Variants in NRCAM observed in about 807,000 individuals in gnomAD.
The protein encoded by NRCAM is neuronal cell adhesion molecule.
In NRCAM, 83 loss-of-function variants were observed where a neutral mutation model predicts 156.5. The ratio of observed to expected loss-of-function variants is 0.53; its 90% CI spans 0.44 to 0.64. The LOEUF is 0.64. Among genes scored for constraint, NRCAM ranks in the 30% least tolerant of loss-of-function variants. The pLI is 0.00. For synonymous variants in NRCAM, 538 were observed against 563.9 expected (o/e 0.95, Z 0.65); for missense variants, 1,417 against 1,597.3 (o/e 0.89, Z 1.92).
chr7:108,260,903 CAT>C (rs1456402852), intron 3 of NRCAM, among the ~76,000 whole-genome samples: 1 of 152,114 alleles, frequency 6.6e-6, no homozygotes, highest in Non-Finnish European at 1.5e-5. Flanking sequence ...GGGGTGTTCT[CAT>C]ATTCAATTCC....
chr7:108,416,724 G>T (rs1446509702), intron 1 of NRCAM, among the ~76,000 whole-genome samples: 1 of 152,190 alleles, frequency 6.6e-6, no homozygotes, highest in Admixed American at 6.5e-5. Context: ...AAGGCAGAAT[G>T]AAACCAGTAA....
intron 3 of NRCAM, among the ~76,000 whole-genome samples, chr7:108,310,962 G>T (rs536212222): frequency 1.3e-5 from 2 of 152,058 alleles, no homozygotes; most frequent in African/African-American, 4.8e-5. Flanking sequence ...CCCTTCACAC[G>T]ATGGAAGAAA....
chr7:108,391,384 C>G (rs996449440), intron 2 of NRCAM, among the ~76,000 whole-genome samples: 1 of 151,914 alleles, frequency 6.6e-6, no homozygotes, highest in East Asian at 1.9e-4. Context: ...TATCAGAGAC[C>G]AGGATTGCAA....
chr7:108,287,736 A>G (rs909710927), intron 3 of NRCAM, among the ~76,000 whole-genome samples: 10 of 131,336 alleles, frequency 7.6e-5, no homozygotes, highest in Non-Finnish European at 1.3e-4. Context: ...AGGATGTGGG[A>G]AAAAAAAAAG....
chr7:108,353,015 T>A (rs1221269273), intron 2 of NRCAM, among the ~76,000 whole-genome samples: 1 of 151,638 alleles, frequency 6.6e-6, no homozygotes, highest in African/African-American at 2.4e-5. Context: ...CCCACACATG[T>A]ATTTTTTTAA....
chr7:108,362,187 C>A (rs1595116609), intron 2 of NRCAM, among the ~76,000 whole-genome samples: 1 of 152,162 alleles, frequency 6.6e-6, no homozygotes, highest in Admixed American at 6.6e-5. Flanking sequence ...CAAAGCCTGG[C>A]AGATCTGGTG....
At chr7:108,356,192 C>T (rs1023210796) in intron 2 of NRCAM, among the ~76,000 whole-genome samples, 1 of 152,204 alleles carries the variant, frequency 6.6e-6, no homozygotes, top group Non-Finnish European at 1.5e-5. Context: ...CGTGATCTGC[C>T]TGCCTTGGCC....
At chr7:108,443,063 T>A (rs1840407940) in intron 1 of NRCAM, among the ~76,000 whole-genome samples, 1 of 152,220 alleles carries the variant, frequency 6.6e-6, no homozygotes, top group Non-Finnish European at 1.5e-5. Context: ...AAATGGTCCA[T>A]GTATTAAAAT....
At chr7:108,446,872 C>G (rs560118617) in intron 1 of NRCAM, among the ~76,000 whole-genome samples, 1 of 151,628 alleles carries the variant, frequency 6.6e-6, no homozygotes, top group Admixed American at 6.6e-5. Flanking sequence ...GGATTACAGA[C>G]GCCCACCACC....
intron 3 of NRCAM, among the ~76,000 whole-genome samples, chr7:108,304,962 T>C (rs2098693187): frequency 6.6e-6 from 1 of 152,220 alleles, no homozygotes; most frequent in Admixed American, 6.5e-5. Flanking sequence ...AACTTGGAGA[T>C]TGATCTACAG....
intron 2 of NRCAM, among the ~76,000 whole-genome samples, chr7:108,347,120 C>A (rs1025948312): frequency 7.2e-6 from 1 of 138,610 alleles, no homozygotes; most frequent in African/African-American, 2.7e-5. Flanking sequence ...TCACTGCAAG[C>A]ACTGCCTCCC....
At chr7:108,178,894 T>C (rs1335928431) in intron 25 of NRCAM, among the ~76,000 whole-genome samples, 1 of 152,162 alleles carries the variant, frequency 6.6e-6, no homozygotes, top group Non-Finnish European at 1.5e-5. Context: ...CAACCTGAAC[T>C]TCCCTATCTG....
chr7:108,227,307 T>C (rs1377387758), intron 8 of NRCAM, among the ~76,000 whole-genome samples: 3 of 152,202 alleles, frequency 2.0e-5, no homozygotes, highest in Non-Finnish European at 4.4e-5. Context: ...TTGCCTTAGG[T>C]AGGAGGATTT....
intron 2 of NRCAM, among the ~76,000 whole-genome samples, chr7:108,324,726 T>C (rs7809324): frequency 0.02 from 2,980 of 152,284 alleles, 102 homozygotes; most frequent in African/African-American, 0.068. Flanking sequence ...TCTACAAATC[T>C]GTATTTCAAG....
intron 1 of NRCAM, among the ~76,000 whole-genome samples, chr7:108,443,938 G>A (rs1841631526): frequency 7.1e-6 from 1 of 140,590 alleles, no homozygotes; most frequent in Non-Finnish European, 1.6e-5. Flanking sequence ...ATAGATACAG[G>A]TGTAGGTATA....
intron 2 of NRCAM, among the ~76,000 whole-genome samples, chr7:108,346,421 C>T (rs1209782047): frequency 2.6e-5 from 4 of 152,066 alleles, no homozygotes; most frequent in Non-Finnish European, 4.4e-5. Context: ...TAGCCATCTT[C>T]GTTATTAAAC....
intron 3 of NRCAM, among the ~76,000 whole-genome samples, chr7:108,288,193 G>A (rs117772168): frequency 0.019 from 2,837 of 152,142 alleles, 32 homozygotes; most frequent in South Asian, 0.053. Flanking sequence ...CAATGGATAC[G>A]CAGGAATATG....
intron 1 of NRCAM, among the ~76,000 whole-genome samples, chr7:108,447,719 TCAATA>T (rs1212911639): frequency 6.6e-6 from 1 of 152,232 alleles, no homozygotes; most frequent in Non-Finnish European, 1.5e-5. Flanking sequence ...TAAATTCTTC[TCAATA>T]CATTTCTTTT....
intron 2 of NRCAM, among the ~76,000 whole-genome samples, chr7:108,325,600 C>T (rs1202267000): frequency 1.3e-5 from 2 of 152,062 alleles, no homozygotes; most frequent in Admixed American, 6.6e-5. Flanking sequence ...AGATGCCCCA[C>T]CTCCATTCTC....
Sources: allele counts gnomAD v4.1 joint callset (sites outside exome capture counted in the v4.1 genomes callset), GRCh38; gene constraint gnomAD v4.1.1; transcripts MANE v1.5; gene names NCBI Gene and HGNC (gene_info 2026-07-23, HGNC 2026-07-21).